KCNK2: variants seen among roughly 807,000 people sequenced by gnomAD.
KCNK2 encodes potassium channel subfamily K member 2.
KCNK2 carries 21 observed loss-of-function variants against 40.5 expected under a neutral mutation model. The ratio of observed to expected loss-of-function variants is 0.52; its 90% CI spans 0.37 to 0.75. The LOEUF (loss-of-function observed/expected upper bound fraction) is 0.75, where lower values mean the gene tolerates loss of function less well. Ranked by LOEUF, KCNK2 falls within the 30% of genes least tolerant of loss-of-function variation. The pLI is 0.00. For missense variants in KCNK2, 399 were observed against 531.6 expected (o/e 0.75, Z 2.45); for synonymous variants, 191 against 202.2 (o/e 0.94, Z 0.47).
chr1:215,181,467 C>T (rs868258691), intron 5 of KCNK2, among the ~76,000 whole-genome samples: 3 of 152,164 alleles, frequency 2.0e-5, no homozygotes, highest in African/African-American at 7.2e-5. Flanking sequence ...GGTTCTTTCT[C>T]ATCTGGAGAC....
chr1:215,053,538 C>T (rs767100540), intron 1 of KCNK2, among the ~76,000 whole-genome samples: 16 of 152,182 alleles, frequency 1.1e-4, no homozygotes, highest in Admixed American at 3.3e-4. Context: ...GAATGTTTTT[C>T]TGAACAGAGA....
Position 215,189,117 on chromosome 1 carries a change from C to T in KCNK2, c.824-5836C>T, listed in dbSNP as rs535969038. 7.2e-5 allele frequency among the ~76,000 whole-genome samples: 11 copies of T among 152,138 alleles called. No individual in the cohort carries two copies. The South Asian group carries it at 1.2e-3, about 17-fold the overall frequency. ...ACTCCCTGATTTAACTTGTGACTCT[C>T]GGAGAACTCACAACAGAAATAATGG... On this transcript the variant is annotated intron_variant, in intron 5 of 6. Coordinates refer to ENST00000444842, the MANE Select transcript of KCNK2 (RefSeq NM_001017425.3).
intron 2 of KCNK2, among the ~76,000 whole-genome samples, chr1:215,119,209 T>C (rs1247779450): frequency 6.6e-6 from 1 of 152,182 alleles, no homozygotes; most frequent in Non-Finnish European, 1.5e-5. Flanking sequence ...TTCATGATTG[T>C]CAGTCACTTC....
chr1:215,124,784 A>T (rs1277542486), intron 3 of KCNK2, 34 bp downstream of exon 3: 1 of 1,261,700 alleles, frequency 7.9e-7, no homozygotes, highest in African/African-American at 1.5e-5. Context: ...TTTTGTTTTG[A>T]TACCGTTTGT....
intron 1 of KCNK2, among the ~76,000 whole-genome samples, chr1:215,041,150 T>C (rs866907188): frequency 6.6e-6 from 1 of 152,222 alleles, no homozygotes; most frequent in Non-Finnish European, 1.5e-5. Flanking sequence ...AGATTATGCC[T>C]CATTTCATTT....
intron 2 of KCNK2, among the ~76,000 whole-genome samples, chr1:215,096,597 G>A (rs1457950283): frequency 2.0e-5 from 3 of 151,954 alleles, no homozygotes; most frequent in Non-Finnish European, 4.4e-5. Context: ...TGTGCTGTTG[G>A]GGCAAGGTAG....
intron 3 of KCNK2, among the ~76,000 whole-genome samples, chr1:215,134,658 GT>G (rs1333285268): frequency 2.6e-5 from 4 of 151,788 alleles, no homozygotes; most frequent in South Asian, 2.1e-4. Flanking sequence ...GTCATGGCTT[GT>G]TTTTTTTCTG....
intron 3 of KCNK2, among the ~76,000 whole-genome samples, chr1:215,136,990 T>A (rs879855756): frequency 1.1e-4 from 16 of 152,224 alleles, no homozygotes; most frequent in Admixed American, 9.8e-4. Context: ...GCCAAAAAAA[T>A]TTAATTTTTT....
In KCNK2 at chr1:215,124,746, C is replaced by G; in HGVS notation, c.471C>G (p.Thr157=). ...TCTTTGCTGGCACTGTTATTACAAC[C>G]ATAGGTAGGAGACAACTTATTTTTG... is the stretch of plus-strand genomic sequence containing the variant. ...SFFFAGTVIT[T]IGFGNISPRT... is the part of the protein sequence containing the mutation. The change falls in exon 3 of 7, where the codon ACC becomes ACG. Residue 157 remains threonine, a synonymous_variant. Coordinates refer to ENST00000444842, the MANE Select transcript of KCNK2 (RefSeq NM_001017425.3). 1 of 1,556,458 alleles carries G rather than the reference C, an allele frequency of 6.4e-7. No homozygotes were observed. The highest frequency in any genetic ancestry group is 8.9e-7 in the Non-Finnish European group (1 of 1,127,828).
intron 3 of KCNK2, among the ~76,000 whole-genome samples, chr1:215,161,038 C>T (rs1184962916): frequency 2.0e-5 from 3 of 152,096 alleles, no homozygotes; most frequent in African/African-American, 4.8e-5. Flanking sequence ...TTACTCATAT[C>T]GGAACCTGGA....
chr1:215,037,862 A>G (rs1657439542), intron 1 of KCNK2, among the ~76,000 whole-genome samples: 1 of 151,750 alleles, frequency 6.6e-6, no homozygotes, highest in African/African-American at 2.4e-5. Context: ...AGACTTGTAG[A>G]ATCTGTAGTA....
At chr1:215,217,445 G>A (rs763537563) in intron 6 of KCNK2, among the ~76,000 whole-genome samples, 1 of 152,106 alleles carries the variant, frequency 6.6e-6, no homozygotes, top group South Asian at 2.1e-4. Context: ...ATTAACCTCT[G>A]AAAACAACAG....
chr1:215,140,860 C>T (rs1237088941), intron 3 of KCNK2, among the ~76,000 whole-genome samples: 1 of 152,044 alleles, frequency 6.6e-6, no homozygotes, highest in Non-Finnish European at 1.5e-5. Context: ...AACTGTTTTA[C>T]TTTATAAACT....
intron 6 of KCNK2, among the ~76,000 whole-genome samples, chr1:215,209,326 ATT>A (rs1445870642): frequency 4.0e-5 from 1 of 25,176 alleles, no homozygotes; most frequent in East Asian, 2.3e-3. Flanking sequence ...ATATACACAT[ATT>A]TTTATATATA....
At chr1:215,195,861 T>C (rs1664841855) in intron 6 of KCNK2, among the ~76,000 whole-genome samples, 1 of 152,188 alleles carries the variant, frequency 6.6e-6, no homozygotes, top group African/African-American at 2.4e-5. Context: ...TAGTCAACTT[T>C]GCTAATTGTT....
chr1:215,066,170 C>T (rs930202822), intron 1 of KCNK2, among the ~76,000 whole-genome samples: 14 of 151,956 alleles, frequency 9.2e-5, no homozygotes, highest in African/African-American at 2.2e-4. Flanking sequence ...ATGCAGGTGA[C>T]GGGTTGATGG....
At chr1:215,043,711 G>T (rs1034465906) in intron 1 of KCNK2, among the ~76,000 whole-genome samples, 3 of 152,162 alleles carry the variant, frequency 2.0e-5, no homozygotes, top group Admixed American at 2.0e-4. Flanking sequence ...TTCTGTAGAT[G>T]TATGATGGTA....
At chr1:215,133,960 G>A (rs1418420015) in intron 3 of KCNK2, among the ~76,000 whole-genome samples, 1 of 152,060 alleles carries the variant, frequency 6.6e-6, no homozygotes, top group African/African-American at 2.4e-5. Flanking sequence ...TAATTTTAAA[G>A]CAAAAACAAC....
intron 2 of KCNK2, among the ~76,000 whole-genome samples, chr1:215,114,705 A>C (rs576520741): frequency 1.3e-5 from 2 of 152,126 alleles, no homozygotes; most frequent in Non-Finnish European, 2.9e-5. Context: ...GTTTTGCAAG[A>C]CTTCCTTTTC....
Sources: allele counts gnomAD v4.1 joint callset (sites outside exome capture counted in the v4.1 genomes callset), GRCh38; gene constraint gnomAD v4.1.1; transcripts MANE v1.5; gene names NCBI Gene and HGNC (gene_info 2026-07-23, HGNC 2026-07-21).